The following NRG1 variants were observed in gnomAD, a reference collection of about 807,000 sequenced individuals.
NRG1 encodes neuregulin 1.
In NRG1, 18 loss-of-function variants were observed where a neutral mutation model predicts 63.8. That is an observed-to-expected ratio of 0.28 (90% CI 0.19 to 0.42). The LOEUF (loss-of-function observed/expected upper bound fraction) is 0.42. Among genes scored for constraint, NRG1 ranks in the 10% least tolerant of loss-of-function variants. The pLI is 1.00. For synonymous variants in NRG1, 302 were observed against 301.3 expected (o/e 1.00, Z -0.02); for missense variants, 762 against 814.7 (o/e 0.94, Z 0.79).
intron 1 of NRG1, among the ~76,000 whole-genome samples, chr8:32,207,782 A>G (rs1262104236): frequency 6.6e-6 from 1 of 152,232 alleles, no homozygotes; most frequent in African/African-American, 2.4e-5. Flanking sequence ...TTTATAGGCC[A>G]ATCATTTATG....
rs988108000 is a variant in NRG1, at chr8:32,474,765, A to G, written c.38-121063A>G. Among the ~76,000 whole-genome samples, 10 of 151,998 alleles carry G rather than the reference A, an allele frequency of 6.6e-5. No individual in the cohort carries two copies. The South Asian group carries it at 1.0e-3, about 16-fold the overall frequency. The stretch of plus-strand genomic sequence containing the variant: ...GTGATCTGCCCACCTCGGCCTCCCA[A>G]AGTGCTGGGATTACAGGCGTGAGCC... On this transcript the variant is annotated intron_variant, in intron 1 of 10. Coordinates refer to the NRG1 transcript ENST00000519301.
At chr8:32,155,802 T>C (rs565122751) in intron 1 of NRG1, among the ~76,000 whole-genome samples, 5 of 152,356 alleles carry the variant, frequency 3.3e-5, no homozygotes, top group Non-Finnish European at 7.4e-5. Flanking sequence ...ACCAATGCAA[T>C]ATAGAAACTT....
chr8:32,411,020 C>T (rs1418599852), intron 1 of NRG1, among the ~76,000 whole-genome samples: 1 of 151,870 alleles, frequency 6.6e-6, no homozygotes, highest in Non-Finnish European at 1.5e-5. Flanking sequence ...GGACTACAGG[C>T]ACGCACCACC....
chr8:32,737,493 A>G (rs1382834826), intron 6 of NRG1, among the ~76,000 whole-genome samples: 2 of 151,916 alleles, frequency 1.3e-5, no homozygotes, highest in African/African-American at 2.4e-5. Flanking sequence ...AGAGATTGCA[A>G]TGAGCTGAGA....
chr8:32,359,508 A>T (rs184927782), intron 1 of NRG1, among the ~76,000 whole-genome samples: 6 of 152,344 alleles, frequency 3.9e-5, no homozygotes, highest in African/African-American at 1.2e-4. Flanking sequence ...TGCATTGCAG[A>T]GTCCTTCACT....
chr8:31,821,951 A>G (rs1257716332), intron 1 of NRG1, among the ~76,000 whole-genome samples: 4 of 152,172 alleles, frequency 2.6e-5, no homozygotes, highest in Non-Finnish European at 4.4e-5. Context: ...TATTCCAAGT[A>G]TTACTGTAAA....
intron 5 of NRG1, among the ~76,000 whole-genome samples, chr8:32,635,849 T>A (rs1802669947): frequency 6.6e-6 from 1 of 152,212 alleles, no homozygotes; most frequent in Admixed American, 6.5e-5. Context: ...CCCTGAAGTT[T>A]CCATCCAAAA....
In NRG1 at chr8:32,727,945, T is replaced by A; in HGVS notation, c.503-4T>A. The A allele has an allele frequency of 6.2e-7, 1 of 1,613,808 alleles. No homozygotes were observed. The highest frequency in any genetic ancestry group is 8.5e-7 in the Non-Finnish European group (1 of 1,179,808). Reference sequence around the variant, plus strand: ...TTAACCTTTCTCCTTTCTCTCCTCTTCAGCTACATCTACATCCACCACTGG... The same window carrying A: ...TTAACCTTTCTCCTTTCTCTCCTCTACAGCTACATCTACATCCACCACTGG... On this transcript the variant is annotated splice_region_variant and splice_polypyrimidine_tract_variant and intron_variant, in intron 5 of 11. Transcript: ENST00000356819.
At chr8:31,684,562 C>A (rs780477164) in intron 1 of NRG1, among the ~76,000 whole-genome samples, 1 of 152,142 alleles carries the variant, frequency 6.6e-6, no homozygotes, top group Non-Finnish European at 1.5e-5. Context: ...AATACAGGGA[C>A]TCAGCAGTTT....
chr8:32,549,577 G>C (rs747415705), intron 1 of NRG1, among the ~76,000 whole-genome samples: 2 of 152,196 alleles, frequency 1.3e-5, no homozygotes, highest in African/African-American at 4.8e-5. Flanking sequence ...ACTTTCCCAA[G>C]AGATGTAAGA....
At chr8:32,462,002 C>A (rs1445495869) in intron 1 of NRG1, among the ~76,000 whole-genome samples, 2 of 152,070 alleles carry the variant, frequency 1.3e-5, no homozygotes, top group African/African-American at 2.4e-5. Context: ...CTGTTTGGCA[C>A]CCTGTTTCCT....
chr8:32,050,955 C>A (rs938219793), intron 1 of NRG1, among the ~76,000 whole-genome samples: 2 of 151,936 alleles, frequency 1.3e-5, no homozygotes, highest in African/African-American at 2.4e-5. Flanking sequence ...GAAAATATTA[C>A]AGATCAGAAA....
intron 1 of NRG1, among the ~76,000 whole-genome samples, chr8:31,799,820 G>A (rs113503388): frequency 2.8e-4 from 42 of 151,922 alleles, no homozygotes; most frequent in African/African-American, 4.8e-4. Context: ...TATTAATACC[G>A]TCACAGCTCT....
intron 1 of NRG1, among the ~76,000 whole-genome samples, chr8:32,214,759 C>A (rs1845043768): frequency 6.6e-6 from 1 of 152,104 alleles, no homozygotes; most frequent in Non-Finnish European, 1.5e-5. Flanking sequence ...ACAAAACAAA[C>A]CTGCTGGGTG....
chr8:32,633,418 G>A (rs1394427743), intron 5 of NRG1, among the ~76,000 whole-genome samples: 1 of 152,148 alleles, frequency 6.6e-6, no homozygotes, highest in Non-Finnish European at 1.5e-5. Flanking sequence ...GCCTGGGCAT[G>A]ATCCCTTCTG....
chr8:32,375,910 T>C (rs1809565482), intron 1 of NRG1, among the ~76,000 whole-genome samples: 1 of 152,206 alleles, frequency 6.6e-6, no homozygotes, highest in Non-Finnish European at 1.5e-5. Context: ...AAGGTTTGAC[T>C]TACTCCTCTC....
At chr8:32,664,623 AAAT>A (rs781004876) in intron 5 of NRG1, among the ~76,000 whole-genome samples, 2 of 151,320 alleles carry the variant, frequency 1.3e-5, no homozygotes, top group Non-Finnish European at 2.9e-5. Context: ...GATGGTGTAG[AAAT>A]GATGATGATG....
chr8:32,520,565 T>C (rs1035897600), intron 1 of NRG1, among the ~76,000 whole-genome samples: 2 of 152,304 alleles, frequency 1.3e-5, no homozygotes, highest in African/African-American at 4.8e-5. Context: ...CTTACTAAAG[T>C]GCCAGCAATA....
At chr8:31,650,909 CATTTGGGTCTCAGTTTCCTAATATGCAAA>C (rs1261836301) in intron 1 of NRG1, among the ~76,000 whole-genome samples, 30 of 152,164 alleles carry the variant, frequency 2.0e-4, no homozygotes, top group Non-Finnish European at 4.0e-4. Context: ...TTTATTCACT[CATTTGGGTCTCAGTTTCCTAATATGCAAA>C]ACGAGAAGGT....
Sources: gnomAD v4.1 joint callset for allele counts (sites outside exome capture counted in the v4.1 genomes callset) on GRCh38, gnomAD v4.1.1 for gene constraint, MANE v1.5 for transcripts, NCBI Gene and HGNC (gene_info 2026-07-23, HGNC 2026-07-21) for gene names.